TRAPPC9: variants seen among roughly 807,000 people sequenced by gnomAD.
The protein encoded by TRAPPC9 is IKK2 binding protein.
In TRAPPC9, 83 loss-of-function variants were observed where a neutral mutation model predicts 124.0. The ratio of observed to expected loss-of-function variants is 0.67; its 90% CI spans 0.56 to 0.80. TRAPPC9 has a LOEUF of 0.80. Among genes scored for constraint, TRAPPC9 ranks in the 30% least tolerant of loss-of-function variants. The probability of loss-of-function intolerance (pLI) is 0.00; values close to 1 mark genes in which losing one functional copy is unlikely to be tolerated. For missense variants in TRAPPC9, 1,302 were observed against 1,508.3 expected (o/e 0.86, Z 2.27); for synonymous variants, 638 against 617.5 (o/e 1.03, Z -0.49).
chr8:139,727,756 C>T lies in TRAPPC9; in HGVS notation c.*3305G>A, dbSNP rs887303087. Reference sequence around the variant, plus strand: ...TGAATACTTCTATTGACAAAGAGCTCACTCCATCAGCATTTCCTGTCCCAT... The same window carrying T: ...TGAATACTTCTATTGACAAAGAGCTTACTCCATCAGCATTTCCTGTCCCAT... On this transcript the variant is annotated 3_prime_UTR_variant, in exon 23 of 23. Transcript: ENST00000438773. Among the ~76,000 whole-genome samples, 1 of 152,202 alleles carries T rather than the reference C, an allele frequency of 6.6e-6. No individual in the cohort carries two copies. Among genetic ancestry groups the T allele is most frequent in the Non-Finnish European group, 1.5e-5 (1 of 68,044 alleles).
chr8:140,109,615 C>T (rs180721720), intron 17 of TRAPPC9, among the ~76,000 whole-genome samples: 1 of 152,312 alleles, frequency 6.6e-6, no homozygotes, highest in African/African-American at 2.4e-5. Flanking sequence ...GTGTAATCTA[C>T]TGCACCTTAC....
intron 21 of TRAPPC9, among the ~76,000 whole-genome samples, chr8:139,757,288 T>A (rs1365722123): frequency 1.0e-4 from 10 of 96,876 alleles, no homozygotes; most frequent in African/African-American, 3.2e-4. Context: ...GGAGCCAGGG[T>A]TTGGGGATGA....
intron 16 of TRAPPC9, among the ~76,000 whole-genome samples, chr8:140,234,195 A>G (rs565325036): frequency 1.8e-4 from 27 of 152,308 alleles, no homozygotes; most frequent in Admixed American, 8.5e-4. Context: ...TGAAATACAC[A>G]CGCGAGGCAT....
At chr8:140,028,001 G>A (rs923417629) in intron 17 of TRAPPC9, among the ~76,000 whole-genome samples, 1 of 151,914 alleles carries the variant, frequency 6.6e-6, no homozygotes, top group Non-Finnish European at 1.5e-5. Context: ...ATTTGGGTGG[G>A]GACACAGAGT....
chr8:140,360,847 C>T lies in TRAPPC9; in HGVS notation c.1352-654G>A, dbSNP rs530072156. On this transcript the variant is annotated intron_variant, in intron 8 of 22. Transcript: ENST00000438773. ...CTCCAGGGCTCAAGCAATCAATCCT[C>T]CCATTTCAGCCTCCTGCGTAGCTGG... Among the ~76,000 whole-genome samples the T allele has an allele frequency of 6.6e-5, 10 of 152,282 alleles. 1 individual carries two copies. Among genetic ancestry groups the T allele is most frequent in the African/African-American group, 2.2e-4 (9 of 41,556 alleles).
At chr8:139,755,034 C>T (rs1382610980) in intron 21 of TRAPPC9, among the ~76,000 whole-genome samples, 2 of 152,226 alleles carry the variant, frequency 1.3e-5, no homozygotes, top group African/African-American at 2.4e-5. Context: ...TGCCTGGGGC[C>T]AACAGGACAG....
chr8:140,145,923 A>G (rs901571338), intron 17 of TRAPPC9, among the ~76,000 whole-genome samples: 4 of 152,146 alleles, frequency 2.6e-5, no homozygotes, highest in Non-Finnish European at 5.9e-5. Flanking sequence ...TCAAAGCCTG[A>G]CCTTACTTAG....
intron 18 of TRAPPC9, among the ~76,000 whole-genome samples, chr8:140,006,076 T>A (rs536769317): frequency 1.1e-4 from 16 of 152,224 alleles, no homozygotes; most frequent in African/African-American, 3.9e-4. Context: ...AGGAGGCTTG[T>A]CCTAGGGGAC....
intron 5 of TRAPPC9, among the ~76,000 whole-genome samples, chr8:140,426,220 G>A (rs1294493973): frequency 6.6e-6 from 1 of 152,166 alleles, no homozygotes; most frequent in East Asian, 1.9e-4. Context: ...TCCCTGTTAA[G>A]AACACACAGA....
At chr8:140,458,509 G>C, upstream of TRAPPC9, 1 of 1,582,470 alleles carries the variant, frequency 6.3e-7, no homozygotes, top group Non-Finnish European at 8.6e-7. Context: ...GCGAGCCCCA[G>C]CCTGGGCCGG....
chr8:140,235,295 A>G (rs549633113), intron 16 of TRAPPC9, among the ~76,000 whole-genome samples: 1 of 152,338 alleles, frequency 6.6e-6, no homozygotes, highest in South Asian at 2.1e-4. Context: ...TTTTTAGTTA[A>G]GAAATCTAAT....
chr8:140,289,025 G>A (rs2065570118), intron 12 of TRAPPC9, among the ~76,000 whole-genome samples: 1 of 152,218 alleles, frequency 6.6e-6, no homozygotes, highest in Non-Finnish European at 1.5e-5. Flanking sequence ...GACACACACA[G>A]ATGGAGGAAG....
At chr8:139,952,447 T>G (rs1049884483) in intron 19 of TRAPPC9, among the ~76,000 whole-genome samples, 6 of 152,116 alleles carry the variant, frequency 3.9e-5, no homozygotes, top group Non-Finnish European at 7.3e-5. Context: ...TCACGGAACT[T>G]TTAAGGAAGA....
At chr8:140,054,999 T>A (rs1842217085) in intron 17 of TRAPPC9, among the ~76,000 whole-genome samples, 1 of 152,178 alleles carries the variant, frequency 6.6e-6, no homozygotes, top group South Asian at 2.1e-4. Context: ...CCTTCTCAAC[T>A]CTTCCAAAAA....
intron 17 of TRAPPC9, among the ~76,000 whole-genome samples, chr8:140,156,974 A>G (rs1245444076): frequency 2.3e-5 from 3 of 129,150 alleles, no homozygotes; most frequent in Non-Finnish European, 5.1e-5. Context: ...TCCATTCAAA[A>G]GCCTCCCTTT....
chr8:140,282,535 C>G (rs927652662), intron 14 of TRAPPC9, among the ~76,000 whole-genome samples: 3 of 148,230 alleles, frequency 2.0e-5, no homozygotes, highest in African/African-American at 7.6e-5. Context: ...CCACGGCACT[C>G]CAGCCTGGGC....
At chr8:139,829,600 G>A (rs1825844182) in intron 21 of TRAPPC9, among the ~76,000 whole-genome samples, 1 of 152,214 alleles carries the variant, frequency 6.6e-6, no homozygotes, top group African/African-American at 2.4e-5. Flanking sequence ...AAGAGCCTTG[G>A]GATGGGCGCT....
chr8:140,109,973 T>C (rs1293781266), intron 17 of TRAPPC9, among the ~76,000 whole-genome samples: 2 of 152,094 alleles, frequency 1.3e-5, no homozygotes, highest in Non-Finnish European at 2.9e-5. Context: ...TCCTCCTGAT[T>C]TGCTTATACC....
intron 19 of TRAPPC9, among the ~76,000 whole-genome samples, chr8:139,940,278 G>A (rs1833823552): frequency 6.6e-6 from 1 of 152,148 alleles, no homozygotes; most frequent in Non-Finnish European, 1.5e-5. Flanking sequence ...CATCTCTCTA[G>A]ACACTGACAC....
Sources: gnomAD v4.1 joint callset for allele counts (sites outside exome capture counted in the v4.1 genomes callset) on GRCh38, gnomAD v4.1.1 for gene constraint, MANE v1.5 for transcripts, NCBI Gene and HGNC (gene_info 2026-07-23, HGNC 2026-07-21) for gene names.